Variants in NLK observed in about 807,000 individuals in gnomAD.
NLK encodes serine/threonine-protein kinase NLK.
In NLK, 11 loss-of-function variants were observed where a neutral mutation model predicts 59.0. That is an observed-to-expected ratio of 0.19 (90% CI 0.12 to 0.31). The LOEUF (loss-of-function observed/expected upper bound fraction) is 0.31. NLK is among the 10% of genes least tolerant of loss of function. NLK has a pLI of 1.00. For missense variants in NLK, 410 were observed against 661.1 expected (o/e 0.62, Z 4.16); for synonymous variants, 235 against 235.9 (o/e 1.00, Z 0.03).
At chr17:28,172,010 G>C (rs1430492917) in intron 6 of NLK, among the ~76,000 whole-genome samples, 1 of 150,552 alleles carries the variant, frequency 6.6e-6, no homozygotes, top group African/African-American at 2.4e-5. Flanking sequence ...AATAGAAATA[G>C]GATAAATAGG....
intron 3 of NLK, among the ~76,000 whole-genome samples, chr17:28,155,962 A>T (rs1293135774): frequency 6.6e-6 from 1 of 152,202 alleles, no homozygotes; most frequent in Admixed American, 6.5e-5. Flanking sequence ...TATTTTAAAT[A>T]TACATGTATG....
At chr17:28,164,216 A>G (rs1908126327) in intron 5 of NLK, among the ~76,000 whole-genome samples, 1 of 152,050 alleles carries the variant, frequency 6.6e-6, no homozygotes, top group Non-Finnish European at 1.5e-5. Flanking sequence ...TAAAAAATTC[A>G]AAAATTAGCT....
intron 3 of NLK, among the ~76,000 whole-genome samples, chr17:28,134,310 A>G (rs1176744249): frequency 6.6e-6 from 1 of 152,128 alleles, no homozygotes; most frequent in Non-Finnish European, 1.5e-5. Context: ...CTGAGGCAGA[A>G]GGATCAGCTG....
chr17:28,184,175 A>G (rs1909026777), intron 7 of NLK, among the ~76,000 whole-genome samples: 2 of 152,242 alleles, frequency 1.3e-5, no homozygotes, highest in Admixed American at 1.3e-4. Context: ...AGATTGAACC[A>G]TCAAAACCAA....
chr17:28,082,804 C>T (rs1358404536), intron 1 of NLK, among the ~76,000 whole-genome samples: 1 of 152,130 alleles, frequency 6.6e-6, no homozygotes, highest in African/African-American at 2.4e-5. Flanking sequence ...GTAATGTCTA[C>T]GTAATATAAC....
Position 28,194,721 on chromosome 17 carries a change from T to C in NLK, c.*85T>C, listed in dbSNP as rs1053164354. ...TGCAATTCTGGAGGTTAATCATGCT[T>C]GTACTGTAATTTTACTAATGAAGTT... On this transcript the variant is annotated 3_prime_UTR_variant, in exon 11 of 11. Transcript: ENST00000407008. The C allele has an allele frequency of 8.5e-6, 7 of 820,026 alleles. No homozygotes were observed. Among genetic ancestry groups the C allele is most frequent in the Non-Finnish European group, 1.1e-5 (6 of 528,350 alleles). The allele number at this position is 820,026 out of a possible 1,614,324, so 50.8% of individuals were successfully genotyped here.
In NLK at chr17:28,132,695, T is replaced by A. The variant is rs757051293; in HGVS notation, c.644+20T>A. ...AGAAATGTATCCTAACCAGGGAATG[T>A]GAAAGAAGGGGACAATTTTTAAAAT... is the stretch of plus-strand genomic sequence containing the variant. On this transcript the variant is annotated intron_variant, in intron 3 of 10. Coordinates refer to ENST00000407008, the MANE Select transcript of NLK (RefSeq NM_016231.5). 16 of 1,590,010 alleles carry A rather than the reference T, an allele frequency of 1.0e-5. No homozygotes were observed. Among genetic ancestry groups the A allele is most frequent in the Non-Finnish European group, 1.4e-5 (16 of 1,163,478 alleles).
chr17:28,124,157 T>G (rs1290500843), intron 2 of NLK, among the ~76,000 whole-genome samples: 2 of 152,190 alleles, frequency 1.3e-5, no homozygotes, highest in Admixed American at 6.6e-5. Flanking sequence ...CTTGCCTTAA[T>G]TTTTTTAAAG....
At chr17:28,072,250 G>A (rs1441567914) in intron 1 of NLK, among the ~76,000 whole-genome samples, 2 of 150,322 alleles carry the variant, frequency 1.3e-5, no homozygotes, top group African/African-American at 4.9e-5. Context: ...TTTTAATCTA[G>A]TCTGACAATC....
chr17:28,203,226 TCTC>T, the NLK span, among the ~76,000 whole-genome samples: 2 of 144,914 alleles, frequency 1.4e-5, no homozygotes, highest in Admixed American at 6.7e-5. Context: ...TCCAGGCTGG[TCTC>T]CTGCTCCTGG....
intron 1 of NLK, among the ~76,000 whole-genome samples, chr17:28,085,664 C>G (rs1363872857): frequency 6.6e-6 from 1 of 152,064 alleles, no homozygotes; most frequent in Admixed American, 6.6e-5. Context: ...CCGCTTGAAC[C>G]CAGGAGGCAG....
intron 1 of NLK, among the ~76,000 whole-genome samples, chr17:28,051,767 A>G (rs1909265038): frequency 6.6e-6 from 1 of 151,702 alleles, no homozygotes; most frequent in East Asian, 1.9e-4. Context: ...TGGTAAAGTT[A>G]TTTAAACTTT....
chr17:28,195,429 T>G lies in NLK; in HGVS notation c.*793T>G, dbSNP rs887433337. The G allele has an allele frequency of 6.6e-6, 1 of 152,452 alleles. No individual in the cohort carries two copies. The highest frequency in any genetic ancestry group is 1.5e-5 in the Non-Finnish European group (1 of 68,020). The allele number at this position is 152,452 out of a possible 1,614,324, so 9.4% of individuals were successfully genotyped here. Reference sequence around the variant, plus strand: ...GTGTGTAAATAATTCATTTCTGGGCTAATTTCAAAAGAATCCCAATATTGC... The same window carrying G: ...GTGTGTAAATAATTCATTTCTGGGCGAATTTCAAAAGAATCCCAATATTGC... On this transcript the variant is annotated 3_prime_UTR_variant, in exon 11 of 11. Coordinates refer to ENST00000407008, the MANE Select transcript of NLK (RefSeq NM_016231.5).
chr17:28,185,216 C>G lies in NLK; in HGVS notation c.1187C>G (p.Ala396Gly), dbSNP rs1268228466. 6.3e-7 allele frequency: 1 copy of G among 1,595,754 alleles called. No homozygotes were observed. The highest frequency in any genetic ancestry group is 8.5e-7 in the Non-Finnish European group (1 of 1,170,118). The change falls in exon 8 of 11, where the codon GCT (alanine) becomes GGT (glycine). Residue 396 changes from alanine (A) to glycine (G), a missense_variant. Physicochemically the swap from Ala to Gly is moderately conservative, Grantham distance 60 (BLOSUM62 0). This residue lies in a region of NLK where 150 missense variants were observed against 244.3 expected (regional missense o/e 0.61). Coordinates refer to ENST00000407008, the MANE Select transcript of NLK (RefSeq NM_016231.5). ...LPVLYTLSSQATHEAVHLLCR... is the reference protein window; with the variant it reads ...LPVLYTLSSQGTHEAVHLLCR... ...GTACTCTATACCCTGTCTAGCCAGGCTACACATGAAGCTGTTCATCTCCTT... is the reference window on the plus strand; with the variant it reads ...GTACTCTATACCCTGTCTAGCCAGGGTACACATGAAGCTGTTCATCTCCTT...
intron 1 of NLK, among the ~76,000 whole-genome samples, chr17:28,061,328 T>G (rs1909626067): frequency 6.6e-6 from 1 of 152,244 alleles, no homozygotes; most frequent in East Asian, 1.9e-4. Context: ...AAAAATGGTC[T>G]TGAACGAACC....
chr17:28,060,205 C>G (rs1240653726), intron 1 of NLK, among the ~76,000 whole-genome samples: 4 of 151,770 alleles, frequency 2.6e-5, no homozygotes, highest in Non-Finnish European at 5.9e-5. Flanking sequence ...TTTTAAGAAA[C>G]AAAGCCAAAA....
At chr17:28,077,987 G>C (rs368626999) in intron 1 of NLK, among the ~76,000 whole-genome samples, 1 of 152,014 alleles carries the variant, frequency 6.6e-6, no homozygotes, top group African/African-American at 2.4e-5. Flanking sequence ...TTAAGAGGTT[G>C]TTCTTCCTTA....
chr17:28,094,239 T>TA (rs1435058229), intron 1 of NLK, among the ~76,000 whole-genome samples: 1 of 152,208 alleles, frequency 6.6e-6, no homozygotes, highest in Non-Finnish European at 1.5e-5. Flanking sequence ...TCTTCAGGTT[T>TA]CTGAGCAAAA....
At chr17:28,066,342 A>G (rs1909823494) in intron 1 of NLK, among the ~76,000 whole-genome samples, 2 of 152,296 alleles carry the variant, frequency 1.3e-5, no homozygotes, top group South Asian at 4.1e-4. Context: ...TTCTACATAT[A>G]CCATATACCA....
Sources: allele counts gnomAD v4.1 joint callset (sites outside exome capture counted in the v4.1 genomes callset), GRCh38; gene constraint gnomAD v4.1.1; regional missense constraint gnomAD v4.1.1; transcripts MANE v1.5; gene names NCBI Gene and HGNC (gene_info 2026-07-23, HGNC 2026-07-21).